PARD3B: variants seen among roughly 807,000 people sequenced by gnomAD.
PARD3B encodes par-3 family cell polarity regulator beta.
A neutral mutation model predicts 130.2 loss-of-function variants in PARD3B; 103 were observed. The ratio of observed to expected loss-of-function variants is 0.79; its 90% CI spans 0.67 to 0.93. The LOEUF (loss-of-function observed/expected upper bound fraction) is 0.93. Among genes scored for constraint, PARD3B ranks in the 40% least tolerant of loss-of-function variants. The pLI is 0.00. For synonymous variants in PARD3B, 583 were observed against 553.2 expected (o/e 1.05, Z -0.76); for missense variants, 1,609 against 1,499.2 (o/e 1.07, Z -1.21).
chr2:204,794,084 C>T (rs1245565856), intron 2 of PARD3B, among the ~76,000 whole-genome samples: 2 of 152,074 alleles, frequency 1.3e-5, no homozygotes, highest in African/African-American at 4.8e-5. Flanking sequence ...ACTACAGTTA[C>T]AGGTAGTTAG....
At position 205,142,901 on chromosome 2, in the gene PARD3B, T is replaced by TA. The variant is rs1282236840; in HGVS notation, c.1435-15818dup. ...CTCAAAAAATAAATAAATAAATAAATAAATAAATAAGATAGGCAAGCTGGC... is the reference window on the plus strand; with the variant it reads ...CTCAAAAAATAAATAAATAAATAAATAAAATAAATAAGATAGGCAAGCTGGC... On this transcript the variant is annotated intron_variant, in intron 10 of 22. Coordinates refer to ENST00000406610, the MANE Select transcript of PARD3B (RefSeq NM_001302769.2). The surrounding 1 kb of genome is among the most constrained non-coding windows in gnomAD (Gnocchi z 4.3). 5.3e-5 allele frequency among the ~76,000 whole-genome samples: 8 copies of TA among 151,104 alleles called. No individual in the cohort carries two copies. Among genetic ancestry groups the TA allele is most frequent in the Non-Finnish European group, 1.2e-4 (8 of 67,820 alleles).
chr2:204,636,122 T>C (rs953784299), intron 1 of PARD3B, among the ~76,000 whole-genome samples: 2 of 152,160 alleles, frequency 1.3e-5, no homozygotes, highest in African/African-American at 4.8e-5. Flanking sequence ...TATGATGTTA[T>C]AGGTATAGAA....
At chr2:204,934,470 C>T (rs1688260749) in intron 2 of PARD3B, among the ~76,000 whole-genome samples, 1 of 152,136 alleles carries the variant, frequency 6.6e-6, no homozygotes, top group East Asian at 1.9e-4. Context: ...TTCAGATATG[C>T]ACCTAATAAA....
At chr2:205,571,899 G>T (rs1245155861) in intron 22 of PARD3B, among the ~76,000 whole-genome samples, 1 of 152,168 alleles carries the variant, frequency 6.6e-6, no homozygotes, top group Non-Finnish European at 1.5e-5. Context: ...AAAGTTACAG[G>T]GAATCTGGCT....
At chr2:205,211,690 A>T (rs1021761406) in intron 15 of PARD3B, among the ~76,000 whole-genome samples, 1 of 152,098 alleles carries the variant, frequency 6.6e-6, no homozygotes, top group South Asian at 2.1e-4. Flanking sequence ...AACACTATCC[A>T]ATGAAGGTAT....
At chr2:205,254,992 G>A (rs1181251604) in intron 16 of PARD3B, among the ~76,000 whole-genome samples, 1 of 151,956 alleles carries the variant, frequency 6.6e-6, no homozygotes, top group East Asian at 1.9e-4. Context: ...CCAGTTATAC[G>A]AATGCTTCCA....
At chr2:205,061,409 G>T (rs927444039) in intron 4 of PARD3B, among the ~76,000 whole-genome samples, 1 of 151,830 alleles carries the variant, frequency 6.6e-6, no homozygotes, top group Non-Finnish European at 1.5e-5. Flanking sequence ...TCAAGTGTTT[G>T]TTTTCCTTCT....
chr2:204,674,362 G>A (rs1322317303), intron 1 of PARD3B, among the ~76,000 whole-genome samples: 3 of 152,170 alleles, frequency 2.0e-5, no homozygotes, highest in Non-Finnish European at 4.4e-5. Flanking sequence ...AGCTATACCT[G>A]TGATCCCTCT....
At chr2:204,996,335 C>T (rs1008460938) in intron 3 of PARD3B, among the ~76,000 whole-genome samples, 1 of 151,894 alleles carries the variant, frequency 6.6e-6, no homozygotes, top group Non-Finnish European at 1.5e-5. Flanking sequence ...TTGGAATACC[C>T]TCCCGTGTGA....
At chr2:205,586,584 A>G (rs961700814) in intron 22 of PARD3B, among the ~76,000 whole-genome samples, 2 of 152,166 alleles carry the variant, frequency 1.3e-5, no homozygotes, top group East Asian at 3.9e-4. Context: ...ATCTTTATAC[A>G]TAGCCTTAAG....
chr2:204,694,040 T>G (rs2037477218), intron 2 of PARD3B, among the ~76,000 whole-genome samples: 1 of 152,044 alleles, frequency 6.6e-6, no homozygotes, highest in South Asian at 2.1e-4. Flanking sequence ...CTCCAGTTTT[T>G]CCATTGGTAA....
chr2:205,042,447 A>T (rs1698462758), intron 3 of PARD3B, among the ~76,000 whole-genome samples: 1 of 152,102 alleles, frequency 6.6e-6, no homozygotes, highest in Non-Finnish European at 1.5e-5. Flanking sequence ...ATAAGTCCTG[A>T]ATGTCAGTGG....
At chr2:204,902,044 C>T (rs1025298375) in intron 2 of PARD3B, among the ~76,000 whole-genome samples, 1 of 152,194 alleles carries the variant, frequency 6.6e-6, no homozygotes, top group Non-Finnish European at 1.5e-5. Flanking sequence ...CGGAGCTGCA[C>T]TGCCTGGGGT....
rs1054971175 is a variant in PARD3B, at chr2:204,717,987, G to T, written c.222+31705G>T. Among the ~76,000 whole-genome samples, 9 of 152,088 alleles carry T rather than the reference G, an allele frequency of 5.9e-5. 1 individual carries two copies. The highest frequency in any genetic ancestry group is 3.3e-4 in the Admixed American group (5 of 15,270). ...TTACATATATTACATGTCTTTTAAG[G>T]TTATGTGAATGTTCCAATTATGGCT... is the stretch of plus-strand genomic sequence containing the variant. On this transcript the variant is annotated intron_variant, in intron 2 of 22. Coordinates refer to ENST00000406610, the MANE Select transcript of PARD3B (RefSeq NM_001302769.2).
chr2:205,209,800 TA>T (rs137880769), intron 15 of PARD3B, among the ~76,000 whole-genome samples: 16 of 150,910 alleles, frequency 1.1e-4, no homozygotes, highest in Non-Finnish European at 2.1e-4. Flanking sequence ...AAGCAAAATA[TA>T]AAAAAAAATT....
intron 15 of PARD3B, among the ~76,000 whole-genome samples, chr2:205,226,750 T>G (rs1316702803): frequency 6.6e-6 from 1 of 152,232 alleles, no homozygotes; most frequent in Non-Finnish European, 1.5e-5. Flanking sequence ...CATGCTGTTC[T>G]GATTACTTTA....
chr2:204,580,775 G>C (rs1042573695), intron 1 of PARD3B, among the ~76,000 whole-genome samples: 1 of 152,198 alleles, frequency 6.6e-6, no homozygotes, highest in Non-Finnish European at 1.5e-5. Flanking sequence ...CTCTATAAGA[G>C]AGACTGTGAT....
chr2:205,140,123 G>C, intron 10 of PARD3B, among the ~76,000 whole-genome samples: 1 of 152,222 alleles, frequency 6.6e-6, no homozygotes, highest in Non-Finnish European at 1.5e-5. Context: ...CACATTGAGA[G>C]GCCAGGGCGG....
intron 2 of PARD3B, among the ~76,000 whole-genome samples, chr2:204,711,480 TTA>T (rs2038431003): frequency 6.6e-6 from 1 of 152,198 alleles, no homozygotes; most frequent in African/African-American, 2.4e-5. Context: ...GATCTCTGTG[TTA>T]TGTCTTACAA....
Sources: gnomAD v4.1 joint callset for allele counts (sites outside exome capture counted in the v4.1 genomes callset) on GRCh38, gnomAD v4.1.1 for gene constraint, Gnocchi (gnomAD v3.1) non-coding constraint, MANE v1.5 for transcripts, NCBI Gene and HGNC (gene_info 2026-07-23, HGNC 2026-07-21) for gene names.